Variants in LITAF observed in about 807,000 individuals in gnomAD.
The protein encoded by LITAF is lipopolysaccharide-induced tumor necrosis factor-alpha factor.
A neutral mutation model predicts 14.5 loss-of-function variants in LITAF; 9 were observed. The observed-to-expected ratio is 0.62, with a 90% confidence interval of 0.37 to 1.08. The LOEUF is 1.08. Among genes scored for constraint, LITAF ranks in the 50% least tolerant of loss-of-function variants. LITAF has a pLI of 0.01. For synonymous variants in LITAF, 98 were observed against 88.2 expected, an observed-to-expected ratio of 1.11 and a Z score of -0.62; for missense variants, 206 against 213.4, an observed-to-expected ratio of 0.97 and a Z score of 0.22.
chr16:11,602,828 G>A (rs2064935747), upstream of LITAF, among the ~76,000 whole-genome samples: 2 of 151,962 alleles, frequency 1.3e-5, no homozygotes, highest in Admixed American at 6.6e-5. Flanking sequence ...GGACACAGGT[G>A]GGATTCAGTG....
intron 3 of LITAF, among the ~76,000 whole-genome samples, chr16:11,624,642 A>G (rs1256226811): frequency 1.3e-5 from 2 of 152,230 alleles, no homozygotes; most frequent in African/African-American, 4.8e-5. Context: ...ATTTATATTC[A>G]CTATCACCCT....
At position 11,577,702 on chromosome 16, in the gene LITAF, G is replaced by A. The variant is rs540776303; in HGVS notation, c.-6+9184C>T. On this transcript the variant is annotated intron_variant, in intron 1 of 3. Transcript: ENST00000622633. ...AGTATGAGTAGATACTCCCTCTCCA[G>A]GGGATGCACTTTTATTTTATTTTCT... is the stretch of plus-strand genomic sequence containing the variant. 1.5e-4 allele frequency among the ~76,000 whole-genome samples: 22 copies of A among 151,664 alleles called. No individual in the cohort carries two copies. In the South Asian group the frequency reaches 3.3e-3, roughly 23 times the overall value.
chr16:11,571,720 G>A (rs1207891144), intron 1 of LITAF, among the ~76,000 whole-genome samples: 3 of 152,154 alleles, frequency 2.0e-5, no homozygotes, highest in Non-Finnish European at 4.4e-5. Flanking sequence ...GGGCCCTGTG[G>A]TCTCTGGGAG....
At chr16:11,565,930 A>G (rs1281500069) in intron 1 of LITAF, among the ~76,000 whole-genome samples, 1 of 151,682 alleles carries the variant, frequency 6.6e-6, no homozygotes, top group Non-Finnish European at 1.5e-5. Context: ...CAGACTCTGG[A>G]GCTAGACCCC....
At chr16:11,589,815 G>C (rs1283338793), upstream of LITAF, among the ~76,000 whole-genome samples, 1 of 151,600 alleles carries the variant, frequency 6.6e-6, no homozygotes, top group Non-Finnish European at 1.5e-5. Flanking sequence ...GTAGAGATAG[G>C]GCTTTGCTAT....
At chr16:11,596,523 G>GT (rs2064888347) in intron 1 of LITAF, among the ~76,000 whole-genome samples, 1 of 64,534 alleles carries the variant, frequency 1.5e-5, no homozygotes, top group Non-Finnish European at 2.9e-5. Flanking sequence ...GAAAGGAGAA[G>GT]AAGGGGGAGG....
upstream of LITAF, among the ~76,000 whole-genome samples, chr16:11,588,276 C>G (rs879417325): frequency 6.6e-6 from 1 of 152,136 alleles, no homozygotes; most frequent in Non-Finnish European, 1.5e-5. Flanking sequence ...CAGAGGATCT[C>G]TTGAGCCCAG....
chr16:11,630,153 C>T (rs2034279658), intron 3 of LITAF, among the ~76,000 whole-genome samples: 1 of 152,148 alleles, frequency 6.6e-6, no homozygotes, highest in South Asian at 2.1e-4. Flanking sequence ...AGACCCCTGG[C>T]GTTGGGGGGG....
Position 11,549,653 on chromosome 16 carries a change from G to A in LITAF, c.470C>T (p.Thr157Ile). Residue 157 changes from threonine to isoleucine, a missense_variant, in exon 4 of 4, where the codon ACC becomes ATC. Transcript: ENST00000622633. This position sits in a 1 kb window ranked among gnomAD's most constrained non-coding sequence, Gnocchi z 4.6. ...YCPNCRALLGTYKRL is the reference protein window; with the variant it reads ...YCPNCRALLGIYKRL Reference sequence around the variant, plus strand: ...GGCTGAGTCCTACAAACGCTTGTAGGTGCCCAGGAGAGCTCTGCAGTTGGG... The same window carrying A: ...GGCTGAGTCCTACAAACGCTTGTAGATGCCCAGGAGAGCTCTGCAGTTGGG... 6.2e-7 allele frequency: 1 copy of A among 1,613,148 alleles called. No individual in the cohort carries two copies. The highest frequency in any genetic ancestry group is 8.5e-7 in the Non-Finnish European group (1 of 1,179,544).
intron 3 of LITAF, among the ~76,000 whole-genome samples, chr16:11,609,733 C>A (rs1308233627): frequency 6.6e-6 from 1 of 152,120 alleles, no homozygotes; most frequent in Non-Finnish European, 1.5e-5. Flanking sequence ...GTTCAAGGGA[C>A]CGTAAACATT....
At chr16:11,568,782 C>T (rs1402923862) in intron 1 of LITAF, among the ~76,000 whole-genome samples, 2 of 150,082 alleles carry the variant, frequency 1.3e-5, no homozygotes, top group African/African-American at 2.4e-5. Context: ...CGGGTTCAAG[C>T]GATTCTCTCA....
chr16:11,597,551 C>T (rs1163641344), intron 1 of LITAF, among the ~76,000 whole-genome samples: 1 of 152,196 alleles, frequency 6.6e-6, no homozygotes, highest in Non-Finnish European at 1.5e-5. Flanking sequence ...ACAGCCAGCA[C>T]ATGGCAGCAG....
chr16:11,629,444 G>A (rs1417289945), intron 3 of LITAF, among the ~76,000 whole-genome samples: 2 of 152,174 alleles, frequency 1.3e-5, no homozygotes, highest in African/African-American at 4.8e-5. Context: ...AGGCAGGCCT[G>A]AAGTAAGAGT....
At chr16:11,609,625 C>T (rs979961118) in intron 3 of LITAF, among the ~76,000 whole-genome samples, 1 of 152,210 alleles carries the variant, frequency 6.6e-6, no homozygotes, top group African/African-American at 2.4e-5. Flanking sequence ...GGCTGCAGGA[C>T]TGGCTGTGCC....
chr16:11,603,833 G>T (rs887323363), intron 3 of LITAF, among the ~76,000 whole-genome samples: 11 of 149,870 alleles, frequency 7.3e-5, no homozygotes, highest in Admixed American at 6.6e-4. Context: ...TCACAAGGTC[G>T]GGAGATCGAG....
intron 1 of LITAF, among the ~76,000 whole-genome samples, chr16:11,571,119 G>A (rs1382972804): frequency 5.3e-5 from 8 of 152,136 alleles, no homozygotes; most frequent in African/African-American, 1.9e-4. Flanking sequence ...CCAGGCTGGA[G>A]TGTAGTAGTG....
intron 1 of LITAF, among the ~76,000 whole-genome samples, chr16:11,562,572 CT>C (rs2064386745): frequency 6.6e-6 from 1 of 152,112 alleles, no homozygotes; most frequent in Admixed American, 6.6e-5. Context: ...AAAAGTTTTC[CT>C]CATTCTACCT....
chr16:11,573,682 G>A (rs1427962138), intron 1 of LITAF, among the ~76,000 whole-genome samples: 1 of 149,624 alleles, frequency 6.7e-6, no homozygotes, highest in East Asian at 2.0e-4. Flanking sequence ...ATTTGTGTAT[G>A]GTGAGAGAAG....
chr16:11,579,928 T>C (rs1051259875), intron 1 of LITAF, among the ~76,000 whole-genome samples: 2 of 152,208 alleles, frequency 1.3e-5, no homozygotes, highest in African/African-American at 4.8e-5. Flanking sequence ...GAGCTGATTA[T>C]TCTGAGAAAC....
Sources: allele counts gnomAD v4.1 joint callset (sites outside exome capture counted in the v4.1 genomes callset), GRCh38; gene constraint gnomAD v4.1.1; non-coding constraint Gnocchi (gnomAD v3.1); transcripts MANE v1.5; gene names NCBI Gene and HGNC (gene_info 2026-07-23, HGNC 2026-07-21).